The following ABI1 variants were observed in gnomAD, a reference collection of about 807,000 sequenced individuals.
ABI1 encodes the protein Abelson interactor 1.
A neutral mutation model predicts 54.6 loss-of-function variants in ABI1; 14 were observed. That is an observed-to-expected ratio of 0.26 (90% confidence interval 0.17 to 0.40). ABI1 has a LOEUF of 0.40. ABI1 is among the 10% of genes least tolerant of loss of function. The pLI is 1.00. For missense variants in ABI1, 443 were observed against 598.3 expected (o/e 0.74, Z 2.71); for synonymous variants, 194 against 209.3 (o/e 0.93, Z 0.63).
chr10:26,856,398 A>AAAT (rs2050813366), intron 1 of ABI1, among the ~76,000 whole-genome samples: 4 of 144,972 alleles, frequency 2.8e-5, no homozygotes, highest in Non-Finnish European at 6.0e-5. Flanking sequence ...TTGGGTATTT[A>AAAT]ATACCTCGGA....
chr10:26,821,170 G>T (rs189453664), intron 2 of ABI1, among the ~76,000 whole-genome samples: 1 of 145,936 alleles, frequency 6.9e-6, no homozygotes, highest in East Asian at 2.1e-4. Context: ...GCTTGAACCT[G>T]AAAGATGGAG....
intron 1 of ABI1, among the ~76,000 whole-genome samples, chr10:26,825,080 G>A (rs1340071561): frequency 6.6e-6 from 1 of 152,152 alleles, no homozygotes; most frequent in Non-Finnish European, 1.5e-5. Context: ...TGATCAGGGT[G>A]GGATTTTTGA....
intron 1 of ABI1, among the ~76,000 whole-genome samples, chr10:26,838,234 A>G (rs112479129): frequency 0.26 from 38,742 of 151,652 alleles, 5,604 homozygotes; most frequent in South Asian, 0.44. Flanking sequence ...ATCTTGGCCA[A>G]GCTGGTCTGG....
intron 3 of ABI1, 149 bp from the exon 4 acceptor site, chr10:26,771,238 A>T (rs917440134): frequency 1.3e-6 from 1 of 788,474 alleles, no homozygotes; most frequent in Non-Finnish European, 2.1e-6. Flanking sequence ...AAAGAAAAAG[A>T]GATCCATACG....
intron 2 of ABI1, among the ~76,000 whole-genome samples, chr10:26,805,681 A>G (rs1468934148): frequency 1.3e-5 from 2 of 152,198 alleles, no homozygotes; most frequent in African/African-American, 4.8e-5. Context: ...AGAGTCTCCA[A>G]TTTCCAAAAG....
Position 26,770,250 on chromosome 10 carries a change from T to C in ABI1, c.573A>G (p.Thr191=), listed in dbSNP as rs959063909. The change falls in exon 5 of 11, where the codon ACA becomes ACG. Residue 191 remains threonine (T), a synonymous_variant. Transcript: ENST00000376140. ...AAATGTAGTTGAATTCTTACCCCAG[T>C]GTTCCCCGGCCTGACATGGGAGGAC... ...PPSPPMSGRG[T]LGRNTPYKTL... The C allele has an allele frequency of 1.9e-6, 3 of 1,613,258 alleles. No individual in the cohort carries two copies. Among genetic ancestry groups the C allele is most frequent in the Admixed American group, 1.7e-5 (1 of 59,994 alleles).
chr10:26,823,287 C>A lies in ABI1; in HGVS notation c.136G>T (p.Ala46Ser). The change falls in exon 2 of 11, where the codon GCT becomes TCT. Residue 46 changes from alanine to serine, a missense_variant. Physicochemically the swap from Ala to Ser is moderately conservative, Grantham distance 99. Transcript: ENST00000376140. ...GTATAGGCTTTGGTCTCCTCTAAAGCTTTTCTCTTGTCTGTAGCCTGAAAT... is the reference window on the plus strand; with the variant it reads ...GTATAGGCTTTGGTCTCCTCTAAAGATTTTCTCTTGTCTGTAGCCTGAAAT... ...NYIQATDKRKALEETKAYTTQ... is the reference protein window; with the variant it reads ...NYIQATDKRKSLEETKAYTTQ... 6.5e-7 allele frequency: 1 copy of A among 1,542,902 alleles called. No individual in the cohort carries two copies. Among genetic ancestry groups the A allele is most frequent in the Non-Finnish European group, 8.7e-7 (1 of 1,155,392 alleles).
chr10:26,751,761 C>T lies in ABI1; in HGVS notation c.1107G>A (p.Pro369=), dbSNP rs1189316494. 17 of 1,610,892 alleles carry T rather than the reference C, an allele frequency of 1.1e-5. No homozygotes were observed. Among genetic ancestry groups the T allele is most frequent in the East Asian group, 2.2e-5 (1 of 44,788 alleles). The change falls in exon 10 of 11, where the codon CCG becomes CCA. Residue 369 remains proline (P), a synonymous_variant. Coordinates refer to ENST00000376140, the MANE Select transcript of ABI1 (RefSeq NM_001012750.3). ...QENIADSPTP[P]PPPPPDDIPM... is the part of the protein sequence containing the mutation. ...GAATGTCATCTGGTGGAGGTGGTGG[C>T]GGTGGAGTTGGACTATCAGCAACTA... is the stretch of plus-strand genomic sequence containing the variant.
intron 2 of ABI1, among the ~76,000 whole-genome samples, chr10:26,806,532 A>C (rs931564577): frequency 3.3e-5 from 5 of 152,206 alleles, no homozygotes; most frequent in African/African-American, 9.7e-5. Context: ...CAATGGCAGC[A>C]GCTTTCTAAG....
At chr10:26,761,831 G>C (rs538469597) in intron 7 of ABI1, among the ~76,000 whole-genome samples, 29 of 150,484 alleles carry the variant, frequency 1.9e-4, no homozygotes, top group Non-Finnish European at 3.1e-4. Flanking sequence ...ATTCATTTTT[G>C]CTATTTTATT....
chr10:26,772,825 C>A (rs1840861238), intron 3 of ABI1, among the ~76,000 whole-genome samples: 1 of 151,958 alleles, frequency 6.6e-6, no homozygotes, highest in Non-Finnish European at 1.5e-5. Flanking sequence ...TAACTCCCAA[C>A]ACTTTGGGAG....
chr10:26,761,641 T>C (rs1839199268), intron 7 of ABI1, among the ~76,000 whole-genome samples: 1 of 116,748 alleles, frequency 8.6e-6, no homozygotes, highest in African/African-American at 3.5e-5. Flanking sequence ...TATATATATA[T>C]ATATATATAT....
chr10:26,751,051 T>A (rs530652523), intron 10 of ABI1, among the ~76,000 whole-genome samples: 1 of 151,324 alleles, frequency 6.6e-6, no homozygotes, highest in East Asian at 1.9e-4. Flanking sequence ...CACTGTTTAG[T>A]GGAAAATATT....
chr10:26,802,678 C>A (rs2046638436), intron 2 of ABI1, among the ~76,000 whole-genome samples: 1 of 152,096 alleles, frequency 6.6e-6, no homozygotes, highest in African/African-American at 2.4e-5. Flanking sequence ...ACTTCTAAAT[C>A]CAAATGGCAA....
intron 1 of ABI1, among the ~76,000 whole-genome samples, chr10:26,851,174 G>A (rs1004944015): frequency 3.4e-4 from 51 of 151,970 alleles, no homozygotes; most frequent in African/African-American, 1.2e-3. Context: ...AATGAAAAGT[G>A]GGAGATGGAG....
In ABI1 at chr10:26,841,681, G is replaced by A. The variant is rs368722837; in HGVS notation, c.118-18376C>T. ...ATTTTTTTTAAGATTCCACATATGA[G>A]ATCATGCAATATTTGTCTTCCTGTG... is the stretch of plus-strand genomic sequence containing the variant. On this transcript the variant is annotated intron_variant, in intron 1 of 10. Coordinates refer to ENST00000376140, the MANE Select transcript of ABI1 (RefSeq NM_001012750.3). Among the ~76,000 whole-genome samples, 60 of 151,448 alleles carry A rather than the reference G, an allele frequency of 4.0e-4. No individual in the cohort carries two copies. In the East Asian group the frequency reaches 9.5e-3, roughly 24 times the overall value.
At position 26,825,197 on chromosome 10, in the gene ABI1, T is replaced by C. The variant is rs541812094; in HGVS notation, c.118-1892A>G. Among the ~76,000 whole-genome samples the C allele has an allele frequency of 3.3e-5, 5 of 152,316 alleles. No individual in the cohort carries two copies. In the South Asian group the frequency reaches 1.0e-3, roughly 32 times the overall value. ...TTTCTCTATGGCATGCGATATTTGA[T>C]AGCATTTTACCCTCAGTAGAACTTC... On this transcript the variant is annotated intron_variant, in intron 1 of 10. Coordinates refer to ENST00000376140, the MANE Select transcript of ABI1 (RefSeq NM_001012750.3).
At chr10:26,764,035 C>A in intron 7 of ABI1, 2 of 1,163,764 alleles carry the variant, frequency 1.7e-6, no homozygotes, top group Non-Finnish European at 2.4e-6. Context: ...CAAGAAAGTA[C>A]AATGTATCGG....
In ABI1 at chr10:26,751,868, CTT is replaced by C. The variant is rs368655056; in HGVS notation, c.1085-87_1085-86del. The C allele has an allele frequency of 1.9e-4, 243 of 1,255,612 alleles. 4 individuals carry two copies. In the East Asian group the frequency reaches 6.1e-3, roughly 32 times the overall value. The allele number at this position is 1,255,612 out of a possible 1,614,324, so 77.8% of individuals were successfully genotyped here. The stretch of plus-strand genomic sequence containing the variant: ...TTAACAGAATTTAAGAAAGCTCTAA[CTT>C]AAGTACAGCATGCACTATAATAAAA... On this transcript the variant is annotated intron_variant, in intron 9 of 10. Transcript: ENST00000376140.
Sources: gnomAD v4.1 joint callset for allele counts (sites outside exome capture counted in the v4.1 genomes callset) on GRCh38, gnomAD v4.1.1 for gene constraint, MANE v1.5 for transcripts, NCBI Gene and HGNC (gene_info 2026-07-23, HGNC 2026-07-21) for gene names.